NHSL1: variants seen among roughly 807,000 people sequenced by gnomAD.
The protein encoded by NHSL1 is NHS like 1.
In NHSL1, 48 loss-of-function variants were observed where a neutral mutation model predicts 95.0. The observed-to-expected ratio is 0.51, with a 90% CI of 0.40 to 0.64. NHSL1 has a LOEUF of 0.64. NHSL1 is among the 30% of genes least tolerant of loss of function. The pLI, the probability that NHSL1 is intolerant of heterozygous loss-of-function variation, is 0.00. For synonymous variants in NHSL1, 783 were observed against 833.9 expected (o/e 0.94, Z 1.05); for missense variants, 1,971 against 2,077.7 (o/e 0.95, Z 1.00).
At chr6:138,449,897 T>C (rs1211181379) in intron 3 of NHSL1, among the ~76,000 whole-genome samples, 1 of 152,244 alleles carries the variant, frequency 6.6e-6, no homozygotes, top group African/African-American at 2.4e-5. Flanking sequence ...TCCAGTTTCT[T>C]TTCCACCTAA....
chr6:138,639,431 G>A (rs1458095404), intron 1 of NHSL1, among the ~76,000 whole-genome samples: 1 of 151,806 alleles, frequency 6.6e-6, no homozygotes, highest in Non-Finnish European at 1.5e-5. Flanking sequence ...GAGGTCAGGA[G>A]ATCGAGACCA....
rs930964799 is a variant in NHSL1 at position 138,424,988 on chromosome 6, G to A, written c.4086-172C>T. Among the ~76,000 whole-genome samples the A allele has an allele frequency of 6.6e-6, 1 of 151,968 alleles. No individual in the cohort carries two copies. Among genetic ancestry groups the A allele is most frequent in the Non-Finnish European group, 1.5e-5 (1 of 67,984 alleles). Reference sequence around the variant, plus strand: ...CTCACACCTGTAATCCCAGCATTTTGGGAGGCCACGGTGGGAGGATCACTT... The same window carrying A: ...CTCACACCTGTAATCCCAGCATTTTAGGAGGCCACGGTGGGAGGATCACTT... On this transcript the variant is annotated intron_variant, in intron 7 of 7. Coordinates refer to ENST00000343505, the MANE Select transcript of NHSL1 (RefSeq NM_001144060.2). The surrounding 1 kb of genome is among the most constrained non-coding windows in gnomAD (Gnocchi z 5.9).
intron 1 of NHSL1, among the ~76,000 whole-genome samples, chr6:138,633,336 A>G (rs1784845482): frequency 6.6e-6 from 1 of 152,240 alleles, no homozygotes; most frequent in Non-Finnish European, 1.5e-5. Flanking sequence ...CTAGCCAAGT[A>G]CAAGAAGGTT....
upstream of NHSL1, among the ~76,000 whole-genome samples, chr6:138,547,262 G>A (rs1351304177): frequency 6.6e-6 from 1 of 151,442 alleles, no homozygotes; most frequent in Admixed American, 6.6e-5. Flanking sequence ...CCATAAGGAA[G>A]TCACTGTACT....
upstream of NHSL1, among the ~76,000 whole-genome samples, chr6:138,501,093 C>A (rs1780650293): frequency 2.0e-5 from 3 of 152,192 alleles, no homozygotes; most frequent in South Asian, 2.1e-4. Flanking sequence ...TATGCACAAT[C>A]CACAAGTGTT....
At chr6:138,615,235 G>A (rs185639967) in intron 1 of NHSL1, among the ~76,000 whole-genome samples, 1 of 152,272 alleles carries the variant, frequency 6.6e-6, no homozygotes, top group East Asian at 1.9e-4. Flanking sequence ...GAAGCAACTT[G>A]AGGAAAATTT....
intron 1 of NHSL1, among the ~76,000 whole-genome samples, chr6:138,680,298 T>C (rs1374990107): frequency 6.6e-6 from 1 of 152,194 alleles, no homozygotes; most frequent in African/African-American, 2.4e-5. Flanking sequence ...CAAATGTCTG[T>C]CAGTGTCACT....
chr6:138,660,830 A>T (rs1785217633), intron 1 of NHSL1, among the ~76,000 whole-genome samples: 3 of 151,496 alleles, frequency 2.0e-5, no homozygotes, highest in Non-Finnish European at 2.9e-5. Flanking sequence ...ACGATGGCTC[A>T]TGCCTGTAAT....
At chr6:138,639,231 TTAAAGA>T (rs1283388014) in intron 1 of NHSL1, among the ~76,000 whole-genome samples, 1 of 152,208 alleles carries the variant, frequency 6.6e-6, no homozygotes, top group Non-Finnish European at 1.5e-5. Flanking sequence ...TGAAAATATC[TTAAAGA>T]TAAAACACAT....
intron 3 of NHSL1, among the ~76,000 whole-genome samples, chr6:138,455,988 C>CA (rs1235683831): frequency 6.6e-6 from 1 of 152,182 alleles, no homozygotes; most frequent in African/African-American, 2.4e-5. Flanking sequence ...ATCAGCTTAA[C>CA]AATACTTATC....
chr6:138,474,399 A>G (rs1299538941), intron 2 of NHSL1, among the ~76,000 whole-genome samples: 1 of 152,210 alleles, frequency 6.6e-6, no homozygotes, highest in Non-Finnish European at 1.5e-5. Flanking sequence ...ATCAGGATCC[A>G]TGATTCTTCC....
chr6:138,659,584 A>G (rs1785199894), intron 1 of NHSL1, among the ~76,000 whole-genome samples: 1 of 152,200 alleles, frequency 6.6e-6, no homozygotes, highest in Non-Finnish European at 1.5e-5. Context: ...ATGGAAGAGC[A>G]CAGGAATTAT....
At chr6:138,598,798 C>G (rs1397047473) in intron 1 of NHSL1, among the ~76,000 whole-genome samples, 1 of 152,270 alleles carries the variant, frequency 6.6e-6, no homozygotes, top group South Asian at 2.1e-4. Context: ...TGAAGCTAAA[C>G]AATCCCACTA....
At chr6:138,429,562 G>A (rs1020145111) in intron 7 of NHSL1, 149 bp downstream of exon 7, 1 of 703,622 alleles carries the variant, frequency 1.4e-6, no homozygotes, top group African/African-American at 1.8e-5. Context: ...AAATAAAACT[G>A]TAGAAACCCA....
Position 138,424,095 on chromosome 6 carries a change from T to G in NHSL1, c.4807A>C (p.Ser1603Arg), listed in dbSNP as rs1180304087. ...EPSPQCGGSL[S>R]EES ...CGTTCTTGGCCCTAACTCTCCTCGC[T>G]CAGAGAACCGCCACACTGTGGGGAG... The change falls in exon 8 of 8, where the codon AGC becomes CGC. Residue 1603 changes from serine (S) to arginine (R), a missense_variant. Ser to Arg is a moderately radical substitution (Grantham distance 110, BLOSUM62 -1). Transcript: ENST00000343505. This position sits in a 1 kb window ranked among gnomAD's most constrained non-coding sequence, Gnocchi z 5.9. 7.2e-7 allele frequency: 1 copy of G among 1,388,278 alleles called. No homozygotes were observed. Among genetic ancestry groups the G allele is most frequent in the Admixed American group, 3.1e-5 (1 of 32,392 alleles). 86.0% of individuals were successfully genotyped at this position (1,388,278 alleles called of 1,614,324 possible). A position where few individuals can be genotyped will look rare whatever the true frequency, so the allele number is the denominator to read the frequency against.
chr6:138,438,994 G>A (rs1281319382), intron 5 of NHSL1, among the ~76,000 whole-genome samples: 1 of 152,092 alleles, frequency 6.6e-6, no homozygotes, highest in Non-Finnish European at 1.5e-5. Context: ...AATTCAAAAT[G>A]TCCAATTCAC....
chr6:138,446,107 G>A (rs537017376), intron 4 of NHSL1, among the ~76,000 whole-genome samples: 2 of 149,898 alleles, frequency 1.3e-5, no homozygotes, highest in South Asian at 2.1e-4. Flanking sequence ...GCGATCTCTC[G>A]GCTCACTGCA....
intron 1 of NHSL1, among the ~76,000 whole-genome samples, chr6:138,645,859 T>C (rs1785013837): frequency 6.6e-6 from 1 of 152,196 alleles, no homozygotes; most frequent in African/African-American, 2.4e-5. Flanking sequence ...AATTTTGGTC[T>C]TTTTGTTCAC....
At chr6:138,503,123 G>A (rs142742714), upstream of NHSL1, among the ~76,000 whole-genome samples, 933 of 152,050 alleles carry the variant, frequency 6.1e-3, 25 homozygotes, top group Admixed American at 0.043. Flanking sequence ...AGTGGTCATC[G>A]GTGAATTTCT....
Sources: allele counts gnomAD v4.1 joint callset (sites outside exome capture counted in the v4.1 genomes callset), GRCh38; gene constraint gnomAD v4.1.1; non-coding constraint Gnocchi (gnomAD v3.1); transcripts MANE v1.5; gene names NCBI Gene and HGNC (gene_info 2026-07-23, HGNC 2026-07-21).